PCDHGB4: variants seen among roughly 807,000 people sequenced by gnomAD.
PCDHGB4 encodes the protein protocadherin gamma-B4.
PCDHGB4 carries 38 observed loss-of-function variants against 60.5 expected under a neutral mutation model. The observed-to-expected ratio is 0.63, with a 90% CI of 0.48 to 0.82. The LOEUF is 0.82. PCDHGB4 is among the 40% of genes least tolerant of loss of function. The probability of loss-of-function intolerance (pLI) is 0.00; values close to 1 mark genes in which losing one functional copy is unlikely to be tolerated. For missense variants in PCDHGB4, 1,109 were observed against 1,209.6 expected (o/e 0.92, Z 1.23); for synonymous variants, 456 against 509.7 (o/e 0.89, Z 1.42).
chr5:141,499,054 TGAA>T (rs2099789231), intron 2 of PCDHGB4, among the ~76,000 whole-genome samples: 1 of 150,820 alleles, frequency 6.6e-6, no homozygotes, highest in Non-Finnish European at 1.5e-5. Context: ...GGAGAAAAAA[TGAA>T]GAAGACTTAC....
chr5:141,490,846 G>T lies in PCDHGB4; in HGVS notation c.2398-3961G>T. 1 of 1,613,880 alleles carries T rather than the reference G, an allele frequency of 6.2e-7. No individual in the cohort carries two copies. Among genetic ancestry groups the T allele is most frequent in the Non-Finnish European group, 8.5e-7 (1 of 1,179,906 alleles). ...GCAGATGCTGCAGATTGTGGTGGGG[G>T]TTCGAGACTCCGGCTCTCCCCCATT... On this transcript the variant is annotated intron_variant, in intron 1 of 3. Coordinates refer to ENST00000519479, the MANE Select transcript of PCDHGB4 (RefSeq NM_003736.4). This position sits in a 1 kb window ranked among gnomAD's most constrained non-coding sequence, Gnocchi z 5.4.
intron 1 of PCDHGB4, among the ~76,000 whole-genome samples, chr5:141,444,000 A>T (rs2098413157): frequency 6.6e-6 from 1 of 152,070 alleles, no homozygotes; most frequent in African/African-American, 2.4e-5. Context: ...TTTAAATGCT[A>T]CCTGGGTATT....
At chr5:141,449,542 T>C (rs1379019468) in intron 1 of PCDHGB4, among the ~76,000 whole-genome samples, 2 of 142,482 alleles carry the variant, frequency 1.4e-5, no homozygotes, top group African/African-American at 5.3e-5. Context: ...TGAGCCGAGA[T>C]CGCACCACTG....
chr5:141,450,490 T>C (rs1480357834), intron 1 of PCDHGB4, among the ~76,000 whole-genome samples: 1 of 152,164 alleles, frequency 6.6e-6, no homozygotes, highest in Non-Finnish European at 1.5e-5. Context: ...TTTGTTTGTC[T>C]GTTTGTTTGT....
chr5:141,423,569 TC>T (rs2096755253), intron 1 of PCDHGB4: 1 of 1,613,362 alleles, frequency 6.2e-7, no homozygotes, highest in Non-Finnish European at 8.5e-7. Context: ...GACACGCTCA[TC>T]AGCCAGGAGA....
chr5:141,395,716 T>C (rs2093303538), intron 1 of PCDHGB4: 1 of 154,332 alleles, frequency 6.5e-6, no homozygotes, highest in Non-Finnish European at 1.4e-5. Context: ...AACTAGGCTC[T>C]TGTAGATTTC....
rs919375073 is a variant in PCDHGB4 at position 141,490,642 on chromosome 5, C to A, written c.2398-4165C>A. On this transcript the variant is annotated intron_variant, in intron 1 of 3. Coordinates refer to ENST00000519479, the MANE Select transcript of PCDHGB4 (RefSeq NM_003736.4). This position sits in a 1 kb window ranked among gnomAD's most constrained non-coding sequence, Gnocchi z 5.4. ...CACTGCTTACATCCTAGAAAACCGG[C>A]CTCCGGGCTCCCTTCTTTGCACTGT... 4.3e-6 allele frequency: 7 copies of A among 1,614,102 alleles called. No individual in the cohort carries two copies. In the African/African-American group the frequency reaches 6.7e-5, roughly 15 times the overall value.
chr5:141,390,874 G>C (rs2092257325), intron 1 of PCDHGB4: 1 of 153,302 alleles, frequency 6.5e-6, no homozygotes, highest in Non-Finnish European at 1.4e-5. Context: ...GTGCGTGTGT[G>C]TGTGTGTGTG....
chr5:141,476,978 C>A lies in PCDHGB4; in HGVS notation c.2398-17829C>A, dbSNP rs1468851988. The A allele has an allele frequency of 2.5e-6, 4 of 1,614,138 alleles. No individual in the cohort carries two copies. Among genetic ancestry groups the A allele is most frequent in the Admixed American group, 3.3e-5 (2 of 60,012 alleles). On this transcript the variant is annotated intron_variant, in intron 1 of 3. Transcript: ENST00000519479. This position sits in a 1 kb window ranked among gnomAD's most constrained non-coding sequence, Gnocchi z 7.6. ...TATTTACTCCTTCGGCAGCCACAAC[C>A]GCGCCGGCGTGCGGCAACTATTCGC...
chr5:141,389,806 T>C lies in PCDHGB4; in HGVS notation c.1922T>C (p.Leu641Pro). Residue 641 changes from leucine (L) to proline (P), a missense_variant, in exon 1 of 4, where the codon CTG becomes CCG. Physicochemically the swap from Leu to Pro is moderately conservative, Grantham distance 98. Around this residue, in one of 2 missense-constraint regions of PCDHGB4, gnomAD observed 1,068 missense variants for 1,089.9 expected, o/e 0.98. Coordinates refer to ENST00000519479, the MANE Select transcript of PCDHGB4 (RefSeq NM_003736.4). ...AGGGACGCCGTCCGCCAGCGCCTTCTGGTCGCCGTGCGTGACGGTGGACAG... is the reference window on the plus strand; with the variant it reads ...AGGGACGCCGTCCGCCAGCGCCTTCCGGTCGCCGTGCGTGACGGTGGACAG... Reference protein sequence around the residue: ...GDRDAVRQRLLVAVRDGGQPP... With the variant: ...GDRDAVRQRLPVAVRDGGQPP... The C allele has an allele frequency of 1.9e-6, 3 of 1,613,810 alleles. No individual in the cohort carries two copies. The highest frequency in any genetic ancestry group is 2.5e-6 in the Non-Finnish European group (3 of 1,179,868).
chr5:141,401,467 G>A (rs1248119954), intron 1 of PCDHGB4, among the ~76,000 whole-genome samples: 1 of 152,196 alleles, frequency 6.6e-6, no homozygotes, highest in Non-Finnish European at 1.5e-5. Context: ...AATTTTCTAA[G>A]TTTATCCAGG....
chr5:141,428,025 G>C, intron 1 of PCDHGB4: 1 of 1,606,426 alleles, frequency 6.2e-7, no homozygotes, highest in Non-Finnish European at 8.5e-7. Flanking sequence ...ACGCGCCGCA[G>C]AGTCCGGCTA....
intron 1 of PCDHGB4, among the ~76,000 whole-genome samples, chr5:141,459,109 C>A (rs1213203625): frequency 6.6e-6 from 1 of 152,174 alleles, no homozygotes; most frequent in Non-Finnish European, 1.5e-5. Context: ...TGCATTTTGA[C>A]AATTGTTTAC....
intron 1 of PCDHGB4, chr5:141,427,807 A>C (rs1443881781): frequency 6.6e-7 from 1 of 1,522,050 alleles, no homozygotes; most frequent in South Asian, 1.1e-5. Flanking sequence ...GTGAGCGCAC[A>C]GAGCGGGGTG....
rs199965876 is a variant in PCDHGB4, at chr5:141,419,464, C to G, written c.2397+29183C>G. ...CCTTCGAGCTCACGCTGCAGGCCCG[C>G]GACCAGGGCTCGCCCGCGCTCAGCG... On this transcript the variant is annotated intron_variant, in intron 1 of 3. Transcript: ENST00000519479. 4 of 1,612,542 alleles carry G rather than the reference C, an allele frequency of 2.5e-6. No homozygotes were observed. In the Admixed American group the frequency reaches 6.7e-5, roughly 27 times the overall value.
At chr5:141,456,504 T>G (rs781368588) in intron 1 of PCDHGB4, among the ~76,000 whole-genome samples, 1 of 152,148 alleles carries the variant, frequency 6.6e-6, no homozygotes, top group Non-Finnish European at 1.5e-5. Context: ...GGTTAACCAA[T>G]TCCATAAAGA....
chr5:141,404,348 G>T lies in PCDHGB4; in HGVS notation c.2397+14067G>T, dbSNP rs370966293. 60 of 1,613,640 alleles carry T rather than the reference G, an allele frequency of 3.7e-5. No individual in the cohort carries two copies. The highest frequency in any genetic ancestry group is 4.9e-5 in the Non-Finnish European group (58 of 1,179,784). ...CTCAGTCTACCTCCCGGAAAACAAC[G>T]CCAGAGGTACTTCCATCTTCTCCGT... On this transcript the variant is annotated intron_variant, in intron 1 of 3. Coordinates refer to ENST00000519479, the MANE Select transcript of PCDHGB4 (RefSeq NM_003736.4).
At chr5:141,418,233 A>T in intron 1 of PCDHGB4, 1 of 1,614,048 alleles carries the variant, frequency 6.2e-7, no homozygotes, top group Non-Finnish European at 8.5e-7. Flanking sequence ...GTGATTGAGG[A>T]TGTTAATGAC....
At chr5:141,449,212 GT>G (rs1405401595) in intron 1 of PCDHGB4, among the ~76,000 whole-genome samples, 1 of 152,134 alleles carries the variant, frequency 6.6e-6, no homozygotes, top group African/African-American at 2.4e-5. Context: ...CTAACTTTCT[GT>G]TTTGAAATGA....
Sources: allele counts gnomAD v4.1 joint callset (sites outside exome capture counted in the v4.1 genomes callset), GRCh38; gene constraint gnomAD v4.1.1; regional missense constraint gnomAD v4.1.1; non-coding constraint Gnocchi (gnomAD v3.1); transcripts MANE v1.5; gene names NCBI Gene and HGNC (gene_info 2026-07-23, HGNC 2026-07-21).